ITGA9: variants seen among roughly 807,000 people sequenced by gnomAD.
ITGA9 encodes the protein integrin alpha-9.
In ITGA9, 56 loss-of-function variants were observed where a neutral mutation model predicts 127.8. The ratio of observed to expected loss-of-function variants is 0.44; its 90% CI spans 0.35 to 0.55. ITGA9 has a LOEUF of 0.55. Ranked by LOEUF, ITGA9 falls within the 20% of genes least tolerant of loss-of-function variation. The pLI is 0.00. For missense variants in ITGA9, 1,196 were observed against 1,347.1 expected, an observed-to-expected ratio of 0.89 and a Z score of 1.76; for synonymous variants, 508 against 514.5, an observed-to-expected ratio of 0.99 and a Z score of 0.17.
At chr3:37,577,710 A>T (rs1206068604) in intron 15 of ITGA9, among the ~76,000 whole-genome samples, 1 of 152,248 alleles carries the variant, frequency 6.6e-6, no homozygotes, top group African/African-American at 2.4e-5. Flanking sequence ...AGCAATTAAT[A>T]AAACCTTCCA....
chr3:37,711,788 C>T (rs939886621), intron 18 of ITGA9, among the ~76,000 whole-genome samples: 4 of 152,236 alleles, frequency 2.6e-5, no homozygotes, highest in Non-Finnish European at 4.4e-5. Context: ...ATGTTCTACA[C>T]TTATAAGTTA....
intron 15 of ITGA9, among the ~76,000 whole-genome samples, chr3:37,594,905 C>T (rs2125617169): frequency 6.6e-6 from 1 of 152,266 alleles, no homozygotes; most frequent in South Asian, 2.1e-4. Flanking sequence ...GTCCTCCTTC[C>T]TCAGCTTCCC....
At chr3:37,553,404 A>G (rs924552018) in intron 15 of ITGA9, among the ~76,000 whole-genome samples, 1 of 152,210 alleles carries the variant, frequency 6.6e-6, no homozygotes, top group Non-Finnish European at 1.5e-5. Context: ...TTTAGTCTGG[A>G]AAAGTCACTC....
chr3:37,689,684 G>GAC (rs909110808), intron 18 of ITGA9, among the ~76,000 whole-genome samples: 1 of 152,212 alleles, frequency 6.6e-6, no homozygotes, highest in Non-Finnish European at 1.5e-5. Flanking sequence ...CCATGTAAAC[G>GAC]ACACCTCCAC....
chr3:37,693,837 T>C (rs970400668), intron 18 of ITGA9, among the ~76,000 whole-genome samples: 2 of 152,192 alleles, frequency 1.3e-5, no homozygotes, highest in Non-Finnish European at 2.9e-5. Flanking sequence ...GCCGCTTTCA[T>C]TCAGCGCAGG....
intron 26 of ITGA9, among the ~76,000 whole-genome samples, chr3:37,802,343 T>C (rs1271120451): frequency 6.6e-6 from 1 of 152,222 alleles, no homozygotes; most frequent in Non-Finnish European, 1.5e-5. Flanking sequence ...TTGTGCCCAG[T>C]CACTGCTTGG....
Position 37,629,125 on chromosome 3 carries a change from A to C in ITGA9, c.1690-62A>C. The C allele has an allele frequency of 5.7e-6, 9 of 1,592,154 alleles. No individual in the cohort carries two copies. The highest frequency in any genetic ancestry group is 7.7e-6 in the Non-Finnish European group (9 of 1,161,896). ...ATGTAGAAGGTCTTTGTAAACTGTG[A>C]AATGCTCTACGACTGTCAGCCAGGA... On this transcript the variant is annotated intron_variant, in intron 15 of 27. Transcript: ENST00000264741. This position sits in a 1 kb window ranked among gnomAD's most constrained non-coding sequence, Gnocchi z 4.5.
chr3:37,512,431 G>A (rs1258597674), intron 8 of ITGA9, among the ~76,000 whole-genome samples: 4 of 151,600 alleles, frequency 2.6e-5, no homozygotes, highest in Admixed American at 2.0e-4. Context: ...TGTTGGCCAG[G>A]CTGGTCTCGA....
rs569492849 is a variant in ITGA9 at position 37,624,161 on chromosome 3, C to A, written c.1690-5026C>A. On this transcript the variant is annotated intron_variant, in intron 15 of 27. Transcript: ENST00000264741. ...ACCCTTCCTGTTTTCCTTTAATTTA[C>A]CCCGGCAGCTGCTGGTTAGCTAAGG... is the stretch of plus-strand genomic sequence containing the variant. Among the ~76,000 whole-genome samples, 21 of 150,140 alleles carry A rather than the reference C, an allele frequency of 1.4e-4. 1 individual carries two copies. The South Asian group carries it at 4.4e-3, about 32-fold the overall frequency.
chr3:37,756,580 T>C (rs1696654952), intron 23 of ITGA9, among the ~76,000 whole-genome samples: 1 of 152,232 alleles, frequency 6.6e-6, no homozygotes, highest in Non-Finnish European at 1.5e-5. Context: ...GGAAGTTACC[T>C]TAACTCCCCA....
At chr3:37,762,491 C>G (rs1283817512) in intron 23 of ITGA9, among the ~76,000 whole-genome samples, 1 of 152,182 alleles carries the variant, frequency 6.6e-6, no homozygotes, top group African/African-American at 2.4e-5. Context: ...TAGATGAAGC[C>G]TTCCAGGTCA....
intron 15 of ITGA9, among the ~76,000 whole-genome samples, chr3:37,616,907 A>C (rs1204750987): frequency 6.6e-6 from 1 of 151,814 alleles, no homozygotes; most frequent in Non-Finnish European, 1.5e-5. Context: ...ATGGGTCTTG[A>C]CTCTTTATCC....
intron 15 of ITGA9, among the ~76,000 whole-genome samples, chr3:37,598,757 T>C (rs1699891009): frequency 6.6e-6 from 1 of 152,114 alleles, no homozygotes; most frequent in South Asian, 2.1e-4. Context: ...TTCATAATGG[T>C]GGGCTGAGGA....
intron 15 of ITGA9, among the ~76,000 whole-genome samples, chr3:37,603,171 A>T (rs1057150236): frequency 2.6e-5 from 4 of 152,168 alleles, no homozygotes; most frequent in Non-Finnish European, 4.4e-5. Context: ...GGGTTTAGTC[A>T]CTCAGTACAG....
At chr3:37,578,853 G>C (rs1380491895) in intron 15 of ITGA9, among the ~76,000 whole-genome samples, 1 of 151,976 alleles carries the variant, frequency 6.6e-6, no homozygotes, top group Non-Finnish European at 1.5e-5. Context: ...TAAGATGTTT[G>C]CTTCCTATTC....
chr3:37,765,495 T>C (rs1696769751), intron 23 of ITGA9, among the ~76,000 whole-genome samples: 1 of 152,164 alleles, frequency 6.6e-6, no homozygotes, highest in Non-Finnish European at 1.5e-5. Flanking sequence ...TTTCTGCACA[T>C]GTATGAATGC....
intron 15 of ITGA9, among the ~76,000 whole-genome samples, chr3:37,564,386 C>A (rs1486131211): frequency 2.6e-5 from 4 of 152,166 alleles, no homozygotes; most frequent in African/African-American, 9.7e-5. Context: ...TAGTTCTGAT[C>A]TCTGGGGTCC....
intron 22 of ITGA9, chr3:37,745,471 C>T (rs781344618): frequency 3.3e-5 from 5 of 152,144 alleles, no homozygotes; most frequent in East Asian, 1.9e-4. Context: ...CTTTGCTTTT[C>T]GTAATTGGGT....
rs1326303296 is a variant in ITGA9 at position 37,799,960 on chromosome 3, T to A, written c.2890-3863T>A. ...AATCTAAGATATGACTTCCTAGAGCTACAGGACACTCAGCTCATCACTCAC... is the reference window on the plus strand; with the variant it reads ...AATCTAAGATATGACTTCCTAGAGCAACAGGACACTCAGCTCATCACTCAC... On this transcript the variant is annotated intron_variant, in intron 26 of 27. Transcript: ENST00000264741. The surrounding 1 kb of genome is among the most constrained non-coding windows in gnomAD (Gnocchi z 4.0). Among the ~76,000 whole-genome samples, 4 of 152,174 alleles carry A rather than the reference T, an allele frequency of 2.6e-5. No homozygotes were observed. Among genetic ancestry groups the A allele is most frequent in the African/African-American group, 9.7e-5 (4 of 41,440 alleles).
Sources: gnomAD v4.1 joint callset for allele counts (sites outside exome capture counted in the v4.1 genomes callset) on GRCh38, gnomAD v4.1.1 for gene constraint, Gnocchi (gnomAD v3.1) non-coding constraint, MANE v1.5 for transcripts, NCBI Gene and HGNC (gene_info 2026-07-23, HGNC 2026-07-21) for gene names.